The following PCYT2 variants were observed in gnomAD, a reference collection of about 807,000 sequenced individuals.
PCYT2 encodes phosphate cytidylyltransferase 2, ethanolamine, also known as ethanolamine-phosphate cytidylyltransferase.
A neutral mutation model predicts 50.0 loss-of-function variants in PCYT2; 33 were observed. That is an observed-to-expected ratio of 0.66 (90% CI 0.50 to 0.88). The LOEUF (loss-of-function observed/expected upper bound fraction) is 0.88. PCYT2 is among the 40% of genes least tolerant of loss of function. The pLI is 0.00. For missense variants in PCYT2, 430 were observed against 519.7 expected (o/e 0.83, Z 1.68); for synonymous variants, 240 against 203.7 (o/e 1.18, Z -1.52).
chr17:81,910,433 C>T (rs1567899300), intron 1 of PCYT2, among the ~76,000 whole-genome samples: 2 of 152,230 alleles, frequency 1.3e-5, no homozygotes, highest in East Asian at 1.9e-4. Flanking sequence ...CCACAGTGCG[C>T]GGAGCCCGGC....
chr17:81,907,242 G>GT lies in PCYT2; in HGVS notation c.537+311dup, dbSNP rs575751107. ...TCTGAGGAAAGTATGTCCCCGGCGG[G>GT]TATCGGGTGAGGGGGCTACAATGGG... On this transcript the variant is annotated intron_variant, in intron 6 of 12. Transcript: ENST00000538936. 1.7e-4 allele frequency: 268 copies of GT among 1,534,384 alleles called. No homozygotes were observed. The African/African-American group carries it at 3.6e-3, about 20-fold the overall frequency.
Position 81,905,379 on chromosome 17 carries a change from C to T in PCYT2, c.969+3G>A. 1 of 1,556,658 alleles carries T rather than the reference C, an allele frequency of 6.4e-7. No individual in the cohort carries two copies. The highest frequency in any genetic ancestry group is 1.2e-5 in the South Asian group (1 of 84,656). On this transcript the variant is annotated splice_donor_region_variant and intron_variant, in intron 11 of 12. Transcript: ENST00000538936. Reference sequence around the variant, plus strand: ...GTGCCCAGCAAGGGCCAGCATGACCCACCTGGTATGGGTCGGAGCCATCCC... The same window carrying T: ...GTGCCCAGCAAGGGCCAGCATGACCTACCTGGTATGGGTCGGAGCCATCCC...
At chr17:81,906,395 C>T (rs959198552) in intron 8 of PCYT2, 69 bp downstream of exon 8, 11 of 1,485,228 alleles carry the variant, frequency 7.4e-6, no homozygotes, top group East Asian at 2.3e-5. Flanking sequence ...CTGCACCTAA[C>T]AGCAACGCTT....
At chr17:81,909,121 A>G in intron 2 of PCYT2, 84 bp from the exon 3 acceptor site, 1 of 1,550,614 alleles carries the variant, frequency 6.4e-7, no homozygotes, top group Non-Finnish European at 8.7e-7. Context: ...ACCCAGCTGT[A>G]GCCACACAAG....
Position 81,902,399 on chromosome 17 carries a change from C to T in PCYT2, c.*2434G>A, listed in dbSNP as rs1166421060. 1.3e-5 allele frequency: 17 copies of T among 1,343,560 alleles called. No homozygotes were observed. The highest frequency in any genetic ancestry group is 1.6e-5 in the Non-Finnish European group (17 of 1,054,438). The allele number at this position is 1,343,560 out of a possible 1,614,324, so 83.2% of individuals were successfully genotyped here. A position where few individuals can be genotyped will look rare whatever the true frequency, so the allele number is the denominator to read the frequency against. On this transcript the variant is annotated 3_prime_UTR_variant, in exon 13 of 13. Transcript: ENST00000538936. ...AGCTCCTACTCGGTGGGCCGCGCCG[C>T]GGGGCTGCTGTCCGGCCTCCGCAGG... is the stretch of plus-strand genomic sequence containing the variant.
rs902396586 is a variant in PCYT2, at chr17:81,908,702, C to T, written c.341-68G>A. 1.2e-5 allele frequency: 17 copies of T among 1,427,848 alleles called. No individual in the cohort carries two copies. The Admixed American group carries it at 1.9e-4, about 16-fold the overall frequency. The allele number at this position is 1,427,848 out of a possible 1,614,324, so 88.4% of individuals were successfully genotyped here. A position where few individuals can be genotyped will look rare whatever the true frequency, so the allele number is the denominator to read the frequency against. ...CACCAGAACCTTCAGAGCCCAGGACCCTCTCGGCCCCTGGCCTGCCCTAGT... is the reference window on the plus strand; with the variant it reads ...CACCAGAACCTTCAGAGCCCAGGACTCTCTCGGCCCCTGGCCTGCCCTAGT... On this transcript the variant is annotated intron_variant, in intron 3 of 12. Transcript: ENST00000538936.
Position 81,902,125 on chromosome 17 carries a change from GC to G in PCYT2, c.*2707del, listed in dbSNP as rs1241248613. 1.6e-6 allele frequency: 1 copy of G among 613,990 alleles called. No homozygotes were observed. The highest frequency in any genetic ancestry group is 2.3e-6 in the Non-Finnish European group (1 of 443,804). The allele number at this position is 613,990 out of a possible 1,614,324, so 38.0% of individuals were successfully genotyped here. A position where few individuals can be genotyped will look rare whatever the true frequency, so the allele number is the denominator to read the frequency against. ...TCCTTTGGGATGCGGAGGTGCGACG[GC>G]TCCTCCGCGCGCGCCCGCTGCACCC... is the stretch of plus-strand genomic sequence containing the variant. On this transcript the variant is annotated 3_prime_UTR_variant, in exon 13 of 13. Transcript: ENST00000538936.
In PCYT2 at chr17:81,904,832, G is replaced by A. The variant is rs1161727716; in HGVS notation, c.*1C>T. ...GAGGGCCGGCCAGGGCCTCTGCCAG[G>A]TTAGAAGTCACCATCGCGCTCCCCC... is the stretch of plus-strand genomic sequence containing the variant. On this transcript the variant is annotated 3_prime_UTR_variant, in exon 13 of 13. Transcript: ENST00000538936. The A allele has an allele frequency of 1.9e-6, 3 of 1,601,588 alleles. No individual in the cohort carries two copies. The highest frequency in any genetic ancestry group is 1.7e-6 in the Non-Finnish European group (2 of 1,171,812).
At chr17:81,909,980 T>A (rs1463416504) in intron 1 of PCYT2, among the ~76,000 whole-genome samples, 1 of 152,162 alleles carries the variant, frequency 6.6e-6, no homozygotes, top group Non-Finnish European at 1.5e-5. Flanking sequence ...TAAGCCGATG[T>A]TAACTCTTGG....
chr17:81,902,486 C>G lies in PCYT2; in HGVS notation c.*2347G>C. On this transcript the variant is annotated 3_prime_UTR_variant, in exon 13 of 13. Coordinates refer to ENST00000538936, the MANE Select transcript of PCYT2 (RefSeq NM_002861.5). ...GCGGAACCCCCGGGCGGGGCCGGCG[C>G]CTCCCCGGAGCTGCAACTGCACCCC... 1 of 1,400,052 alleles carries G rather than the reference C, an allele frequency of 7.1e-7. No individual in the cohort carries two copies. Among genetic ancestry groups the G allele is most frequent in the South Asian group, 1.6e-5 (1 of 63,478 alleles). 86.7% of individuals were successfully genotyped at this position (1,400,052 alleles called of 1,614,324 possible). A position where few individuals can be genotyped will look rare whatever the true frequency, so the allele number is the denominator to read the frequency against.
Position 81,902,474 on chromosome 17 carries a change from G to C in PCYT2, c.*2359C>G, listed in dbSNP as rs1032096921. 2.9e-6 allele frequency: 4 copies of C among 1,391,942 alleles called. No individual in the cohort carries two copies. The highest frequency in any genetic ancestry group is 1.5e-5 in the African/African-American group (1 of 65,456). 86.2% of individuals were successfully genotyped at this position (1,391,942 alleles called of 1,614,324 possible). On this transcript the variant is annotated 3_prime_UTR_variant, in exon 13 of 13. Coordinates refer to ENST00000538936, the MANE Select transcript of PCYT2 (RefSeq NM_002861.5). ...CCCTACAGAGGGGCGGAACCCCCGG[G>C]CGGGGCCGGCGCCTCCCCGGAGCTG...
At chr17:81,910,359 T>C (rs2040519788) in intron 1 of PCYT2, among the ~76,000 whole-genome samples, 1 of 152,218 alleles carries the variant, frequency 6.6e-6, no homozygotes, top group South Asian at 2.1e-4. Context: ...GGTGTGACCC[T>C]GGCAGCCCAC....
intron 2 of PCYT2, 150 bp downstream of exon 2, chr17:81,909,364 T>C: frequency 7.0e-7 from 1 of 1,434,424 alleles, no homozygotes; most frequent in Non-Finnish European, 9.3e-7. Context: ...TAGGCCATCC[T>C]CAGCTGGGGC....
chr17:81,907,962 A>C, intron 4 of PCYT2, 105 bp from the exon 5 acceptor site: 1 of 921,514 alleles, frequency 1.1e-6, no homozygotes, highest in Non-Finnish European at 1.6e-6. Context: ...GGCAGAACCC[A>C]CGGCTGCCCC....
chr17:81,902,907 T>G lies in PCYT2; in HGVS notation c.*1926A>C, dbSNP rs2040019400. 1 of 632,928 alleles carries G rather than the reference T, an allele frequency of 1.6e-6. No homozygotes were observed. Among genetic ancestry groups the G allele is most frequent in the Non-Finnish European group, 2.5e-6 (1 of 394,108 alleles). 39.2% of individuals were successfully genotyped at this position (632,928 alleles called of 1,614,324 possible). On this transcript the variant is annotated 3_prime_UTR_variant, in exon 13 of 13. Coordinates refer to ENST00000538936, the MANE Select transcript of PCYT2 (RefSeq NM_002861.5). ...ATAAATAAATGAGGCGGCCTCGGAG[T>G]GAGGGGTGCTGGAGGACTGGCAGCC...
chr17:81,902,629 G>C lies in PCYT2; in HGVS notation c.*2204C>G. ...CTTGCCTGCCCCCCAGGCTGTGTGC[G>C]TCCAGGACGTCGCCCCAAACCTGCA... On this transcript the variant is annotated 3_prime_UTR_variant, in exon 13 of 13. Coordinates refer to ENST00000538936, the MANE Select transcript of PCYT2 (RefSeq NM_002861.5). 6.3e-7 allele frequency: 1 copy of C among 1,595,536 alleles called. No homozygotes were observed. Among genetic ancestry groups the C allele is most frequent in the Non-Finnish European group, 8.5e-7 (1 of 1,174,038 alleles).
rs780944908 is a variant in PCYT2 at position 81,905,736 on chromosome 17, C to T, written c.838-1G>A. 1 of 1,613,376 alleles carries T rather than the reference C, an allele frequency of 6.2e-7. No individual in the cohort carries two copies. The highest frequency in any genetic ancestry group is 1.3e-5 in the African/African-American group (1 of 74,928). On this transcript the variant is annotated splice_acceptor_variant, in intron 9 of 12. Transcript: ENST00000538936. LOFTEE classifies it high-confidence loss of function. The stretch of plus-strand genomic sequence containing the variant: ...CTCCAATCACCACTTCTGACACGTA[C>T]TGTGGGGACAGTGGGGGCAGAAAGA...
rs2039992308 is a variant in PCYT2 at position 81,902,492 on chromosome 17, C to G, written c.*2341G>C. The G allele has an allele frequency of 7.8e-6, 11 of 1,411,820 alleles. No homozygotes were observed. Among genetic ancestry groups the G allele is most frequent in the Non-Finnish European group, 1.0e-5 (11 of 1,091,142 alleles). The allele number at this position is 1,411,820 out of a possible 1,614,324, so 87.5% of individuals were successfully genotyped here. A position where few individuals can be genotyped will look rare whatever the true frequency, so the allele number is the denominator to read the frequency against. On this transcript the variant is annotated 3_prime_UTR_variant, in exon 13 of 13. Coordinates refer to ENST00000538936, the MANE Select transcript of PCYT2 (RefSeq NM_002861.5). ...CCCCCGGGCGGGGCCGGCGCCTCCCCGGAGCTGCAACTGCACCCCAGGCTG... is the reference window on the plus strand; with the variant it reads ...CCCCCGGGCGGGGCCGGCGCCTCCCGGGAGCTGCAACTGCACCCCAGGCTG...
At position 81,908,963 on chromosome 17, in the gene PCYT2, A is replaced by G. The variant is rs1452924932; in HGVS notation, c.253T>C (p.Trp85Arg). 6.2e-7 allele frequency: 1 copy of G among 1,613,894 alleles called. No homozygotes were observed. The highest frequency in any genetic ancestry group is 1.3e-5 in the African/African-American group (1 of 74,918). Residue 85 changes from tryptophan to arginine, a missense_variant, in exon 3 of 13, where the codon TGG (tryptophan) becomes CGG (arginine). Coordinates refer to ENST00000538936, the MANE Select transcript of PCYT2 (RefSeq NM_002861.5). ...ERYKMVQAIK[W>R]VDEVVPAAPY... Reference sequence around the variant, plus strand: ...GCCGCTGGCACCACCTCGTCCACCCATTTGATGGCCTGCACCATCTTGTAT... The same window carrying G: ...GCCGCTGGCACCACCTCGTCCACCCGTTTGATGGCCTGCACCATCTTGTAT...
Sources: allele counts gnomAD v4.1 joint callset (sites outside exome capture counted in the v4.1 genomes callset), GRCh38; gene constraint gnomAD v4.1.1; transcripts MANE v1.5; gene names NCBI Gene and HGNC (gene_info 2026-07-23, HGNC 2026-07-21).